MATN2: variants seen among roughly 807,000 people sequenced by gnomAD.
MATN2 encodes the protein matrilin 2, also known as matrilin-2.
A neutral mutation model predicts 103.2 loss-of-function variants in MATN2; 69 were observed. The ratio of observed to expected loss-of-function variants is 0.67; its 90% CI spans 0.55 to 0.82. MATN2 has a LOEUF of 0.82. Among genes scored for constraint, MATN2 ranks in the 40% least tolerant of loss-of-function variants. MATN2 has a pLI of 0.00. For missense variants in MATN2, 1,023 were observed against 1,211.5 expected, an observed-to-expected ratio of 0.84 and a Z score of 2.31; for synonymous variants, 429 against 450.2, an observed-to-expected ratio of 0.95 and a Z score of 0.60.
At chr8:97,917,462 CG>C (rs760534328) in intron 2 of MATN2, among the ~76,000 whole-genome samples, 1 of 152,178 alleles carries the variant, frequency 6.6e-6, no homozygotes, top group Non-Finnish European at 1.5e-5. Flanking sequence ...GAGAAGCACA[CG>C]GTGCCTGGCA....
Position 97,879,518 on chromosome 8 carries a change from A to C in MATN2, c.-26-8557A>C, listed in dbSNP as rs1214798544. Among the ~76,000 whole-genome samples, 7 of 152,270 alleles carry C rather than the reference A, an allele frequency of 4.6e-5. No individual in the cohort carries two copies. In the East Asian group the frequency reaches 1.4e-3, roughly 29 times the overall value. On this transcript the variant is annotated intron_variant, in intron 1 of 18. Transcript: ENST00000254898. ...TCTGAGGCTCCTGGGAGTCTGGCTG[A>C]GAAAGGGTGTGGGTAGAACATTCGC...
At chr8:97,999,663 T>C (rs1812713928) in intron 7 of MATN2, among the ~76,000 whole-genome samples, 1 of 152,170 alleles carries the variant, frequency 6.6e-6, no homozygotes. Flanking sequence ...AACAATATCC[T>C]GCCTCTCCTC....
At chr8:97,889,931 T>C (rs957348674) in intron 2 of MATN2, among the ~76,000 whole-genome samples, 45 of 152,086 alleles carry the variant, frequency 3.0e-4, no homozygotes, top group African/African-American at 1.0e-3. Context: ...CCTTCCCTGG[T>C]TGTCAGCATT....
At position 98,007,514 on chromosome 8, in the gene MATN2, G is replaced by T. The variant is rs1813013678; in HGVS notation, c.1486G>T (p.Glu496Ter). ...CTGCCTGCTGAGTGACCATGGTTGT[G>T]AATACTCCTGTGTCAACATGGACAG... ...DYCLLSDHGC[E>*]YSCVNMDRSF... The change falls in exon 10 of 19, where the codon GAA (glutamate) becomes TAA (stop). Residue 496 changes from glutamate (E) to a stop codon, truncating the protein, a stop_gained. Transcript: ENST00000254898. LOFTEE classifies it high-confidence loss of function. This position sits in a 1 kb window ranked among gnomAD's most constrained non-coding sequence, Gnocchi z 4.2. 3.1e-6 allele frequency: 5 copies of T among 1,613,398 alleles called. No individual in the cohort carries two copies. Among genetic ancestry groups the T allele is most frequent in the Admixed American group, 1.7e-5 (1 of 60,002 alleles).
chr8:98,006,535 G>A (rs1277846107), intron 8 of MATN2, among the ~76,000 whole-genome samples: 2 of 152,346 alleles, frequency 1.3e-5, no homozygotes, highest in Non-Finnish European at 2.9e-5. Context: ...TGGCAGAGGT[G>A]TGATTTGAAC....
At chr8:98,024,595 A>G (rs1444106062) in intron 13 of MATN2, among the ~76,000 whole-genome samples, 1 of 152,238 alleles carries the variant, frequency 6.6e-6, no homozygotes, top group Admixed American at 6.5e-5. Flanking sequence ...CTTTCGTGGT[A>G]AGGTGACAAA....
chr8:98,021,297 G>C lies in MATN2; in HGVS notation c.1912G>C (p.Val638Leu). Residue 638 changes from valine to leucine, a missense_variant, in exon 13 of 19, where the codon GTT becomes CTT. Coordinates refer to ENST00000254898, the MANE Select transcript of MATN2 (RefSeq NM_002380.5). Reference protein sequence around the residue: ...SYICKCSEGFVLAEDGRRCKK... With the variant: ...SYICKCSEGFLLAEDGRRCKK... Reference sequence around the variant, plus strand: ...CATCTGCAAATGCTCAGAGGGATTTGTTCTAGCTGAGGACGGAAGACGGTG... The same window carrying C: ...CATCTGCAAATGCTCAGAGGGATTTCTTCTAGCTGAGGACGGAAGACGGTG... The C allele has an allele frequency of 6.2e-7, 1 of 1,613,616 alleles. No individual in the cohort carries two copies. Among genetic ancestry groups the C allele is most frequent in the East Asian group, 2.2e-5 (1 of 44,862 alleles).
intron 5 of MATN2, among the ~76,000 whole-genome samples, chr8:97,963,365 G>A (rs1424027964): frequency 1.3e-5 from 2 of 152,170 alleles, no homozygotes; most frequent in African/African-American, 4.8e-5. Context: ...GGGAGGGACA[G>A]TAGAACACAG....
At chr8:98,003,605 A>T in intron 7 of MATN2, 56 bp from the exon 8 acceptor site, 1 of 1,604,570 alleles carries the variant, frequency 6.2e-7, no homozygotes, top group South Asian at 1.1e-5. Context: ...AGGGGCTGCC[A>T]TCAGCCCTGG....
chr8:97,920,853 CT>C (rs1809784797), intron 2 of MATN2, among the ~76,000 whole-genome samples: 1 of 152,132 alleles, frequency 6.6e-6, no homozygotes, highest in Non-Finnish European at 1.5e-5. Context: ...AATTGGGGTG[CT>C]GTGTCAAGAG....
chr8:97,975,861 T>C (rs1811819357), intron 5 of MATN2, among the ~76,000 whole-genome samples: 1 of 152,212 alleles, frequency 6.6e-6, no homozygotes, highest in Non-Finnish European at 1.5e-5. Flanking sequence ...TCGATCTCAG[T>C]GTTCCCAGTG....
intron 8 of MATN2, among the ~76,000 whole-genome samples, chr8:98,006,772 C>A (rs13254615): frequency 0.41 from 62,903 of 152,010 alleles, 14,296 homozygotes; most frequent in Non-Finnish European, 0.53. Context: ...GTATGCTTTA[C>A]CCTTCAAAGA....
At chr8:98,035,217 C>T (rs1027234294) in intron 18 of MATN2, among the ~76,000 whole-genome samples, 3 of 151,908 alleles carry the variant, frequency 2.0e-5, no homozygotes, top group African/African-American at 7.3e-5. Flanking sequence ...ATTAGCTGGG[C>T]GTGGTGGCGC....
Position 98,030,477 on chromosome 8 carries a change from C to A in MATN2, c.2372C>A (p.Ala791Asp), listed in dbSNP as rs747616157. The change falls in exon 15 of 19, where the codon GCT becomes GAT. Residue 791 changes from alanine (A) to aspartate (D), a missense_variant. Coordinates refer to ENST00000254898, the MANE Select transcript of MATN2 (RefSeq NM_002380.5). ...TGCACCCTAGGTATCACTATGTATG[C>A]TGTTGGGGTAGGAAAAGCCATTGAG... ...KAKANGITMY[A>D]VGVGKAIEEE... 2 of 1,613,484 alleles carry A rather than the reference C, an allele frequency of 1.2e-6. No homozygotes were observed. The highest frequency in any genetic ancestry group is 1.7e-6 in the Non-Finnish European group (2 of 1,179,672).
intron 5 of MATN2, among the ~76,000 whole-genome samples, chr8:97,973,402 T>C (rs1811722326): frequency 6.6e-6 from 1 of 152,182 alleles, no homozygotes; most frequent in South Asian, 2.1e-4. Flanking sequence ...AGCTGATAAA[T>C]GGAAAACATC....
chr8:97,978,960 C>G lies in MATN2; in HGVS notation c.1033C>G (p.Gln345Glu), dbSNP rs781076571. The G allele has an allele frequency of 6.2e-7, 1 of 1,613,590 alleles. No individual in the cohort carries two copies. The highest frequency in any genetic ancestry group is 8.5e-7 in the Non-Finnish European group (1 of 1,179,594). Residue 345 changes from glutamine (Q) to glutamate (E), a missense_variant, in exon 6 of 19, where the codon CAG becomes GAG. Physicochemically the swap from Gln to Glu is conservative, Grantham distance 29. Transcript: ENST00000254898. ...CVNADGSYLC[Q>E]CHEGFALNPD... ...AAATGCTGATGGCTCCTACCTTTGC[C>G]AGTGCCATGAAGGATTTGCTCTTAA...
chr8:97,895,268 G>A (rs1818772350), intron 2 of MATN2, among the ~76,000 whole-genome samples: 1 of 152,216 alleles, frequency 6.6e-6, no homozygotes, highest in African/African-American at 2.4e-5. Context: ...CTCTGTGAAG[G>A]ACGGAAAGCA....
At chr8:97,911,314 G>A (rs537049227) in intron 2 of MATN2, among the ~76,000 whole-genome samples, 21 of 152,112 alleles carry the variant, frequency 1.4e-4, no homozygotes, top group Admixed American at 2.0e-4. Flanking sequence ...TAGCATATGG[G>A]GCTGAAAAAG....
At chr8:98,023,370 G>C (rs1813672349) in intron 13 of MATN2, among the ~76,000 whole-genome samples, 1 of 152,072 alleles carries the variant, frequency 6.6e-6, no homozygotes, top group South Asian at 2.1e-4. Context: ...ATTAGATCGT[G>C]TATCCAAAGG....
Sources: allele counts gnomAD v4.1 joint callset (sites outside exome capture counted in the v4.1 genomes callset), GRCh38; gene constraint gnomAD v4.1.1; non-coding constraint Gnocchi (gnomAD v3.1); transcripts MANE v1.5; gene names NCBI Gene and HGNC (gene_info 2026-07-23, HGNC 2026-07-21).